The following GPR4 variants were observed in gnomAD, a reference collection of about 807,000 sequenced individuals.
GPR4 encodes G protein-coupled receptor 4.
A neutral mutation model predicts 17.8 loss-of-function variants in GPR4; 11 were observed. The observed-to-expected ratio is 0.62, with a 90% CI of 0.39 to 1.02. The LOEUF is 1.02. Among genes scored for constraint, GPR4 ranks in the 50% least tolerant of loss-of-function variants. The probability of loss-of-function intolerance (pLI) is 0.00; values close to 1 mark genes in which losing one functional copy is unlikely to be tolerated. For synonymous variants in GPR4, 219 were observed against 222.8 expected (o/e 0.98, Z 0.15); for missense variants, 364 against 495.4 (o/e 0.73, Z 2.52).
In GPR4 at chr19:45,590,785, G is replaced by A. The variant is rs754393335; in HGVS notation, c.1082C>T (p.Ala361Val). ...DQVQLKMLPP[A>V]Q ...TTCTGTGCCACTCGGGGTTCATTGT[G>A]CTGGCGGCAGCATCTTCAGCTGCAC... The change falls in exon 2 of 2, where the codon GCA becomes GTA. Residue 361 changes from alanine to valine, a missense_variant. Coordinates refer to ENST00000323040, the MANE Select transcript of GPR4 (RefSeq NM_005282.3). The A allele has an allele frequency of 1.1e-5, 18 of 1,567,298 alleles. No homozygotes were observed. The highest frequency in any genetic ancestry group is 1.7e-4 in the Middle Eastern group (1 of 5,828).
intron 1 of GPR4, among the ~76,000 whole-genome samples, chr19:45,599,052 C>T (rs1336270352): frequency 6.6e-6 from 1 of 152,150 alleles, no homozygotes; most frequent in African/African-American, 2.4e-5. Context: ...AGGGGGTAAA[C>T]CCCCAAATCT....
intron 1 of GPR4, among the ~76,000 whole-genome samples, chr19:45,597,854 C>A (rs1032489517): frequency 9.9e-5 from 15 of 152,116 alleles, no homozygotes; most frequent in Admixed American, 7.2e-4. Context: ...TTTGAAAGGT[C>A]AGGGCTGAGT....
intron 1 of GPR4, among the ~76,000 whole-genome samples, chr19:45,600,896 T>A (rs1970104616): frequency 6.6e-6 from 1 of 152,328 alleles, no homozygotes; most frequent in East Asian, 1.9e-4. Context: ...TTCTTCCATC[T>A]GGGCCCTTCC....
rs781235524 is a variant in GPR4, at chr19:45,591,164, C to T, written c.703G>A (p.Val235Ile). Residue 235 changes from valine to isoleucine, a missense_variant, in exon 2 of 2, where the codon GTC becomes ATC. Val to Ile is a conservative substitution (Grantham distance 29). Transcript: ENST00000323040. The surrounding 1 kb of genome is among the most constrained non-coding windows in gnomAD (Gnocchi z 7.6). ...LALSLIAIVL[V>I]CFAPYHVLLL... ...AGCACGTGATAGGGCGCAAAGCAGA[C>T]CAGCACGATGGCGATGAGGCTGAGG... 1 of 1,613,648 alleles carries T rather than the reference C, an allele frequency of 6.2e-7. No individual in the cohort carries two copies. The highest frequency in any genetic ancestry group is 8.5e-7 in the Non-Finnish European group (1 of 1,180,008).
intron 1 of GPR4, among the ~76,000 whole-genome samples, chr19:45,599,442 C>A (rs1970091426): frequency 6.6e-6 from 1 of 151,716 alleles, no homozygotes; most frequent in Admixed American, 6.6e-5. Flanking sequence ...CCCTCCCCGC[C>A]TTCTCCCTGC....
At position 45,591,096 on chromosome 19, in the gene GPR4, G is replaced by T. The variant is rs905938359; in HGVS notation, c.771C>A (p.Asp257Glu). The change falls in exon 2 of 2, where the codon GAC (aspartate) becomes GAA (glutamate). Residue 257 changes from aspartate to glutamate, a missense_variant. Physicochemically the swap from Asp to Glu is conservative, Grantham distance 45. This residue lies in a region of GPR4 where 271 missense variants were observed against 373.1 expected (regional missense o/e 0.73). Transcript: ENST00000323040. The surrounding 1 kb of genome is among the most constrained non-coding windows in gnomAD (Gnocchi z 7.6). ...AAAAGACGCGCTCCTCGAAGCCGCA[G>T]TCCCAGGGGCGGCCCAGGTAGATGG... ...RSAIYLGRPW[D>E]CGFEERVFSA... is the part of the protein sequence containing the mutation. 1 of 1,613,908 alleles carries T rather than the reference G, an allele frequency of 6.2e-7. No homozygotes were observed. The highest frequency in any genetic ancestry group is 8.5e-7 in the Non-Finnish European group (1 of 1,180,020).
In GPR4 at chr19:45,591,081, C is replaced by A. The variant is rs1439750022; in HGVS notation, c.786G>T (p.Glu262Asp). Residue 262 changes from glutamate (E) to aspartate (D), a missense_variant, in exon 2 of 2, where the codon GAG becomes GAT. Glu to Asp is a conservative substitution (Grantham distance 45). This residue lies in a region of GPR4 where 271 missense variants were observed against 373.1 expected (regional missense o/e 0.73). Transcript: ENST00000323040. This position sits in a 1 kb window ranked among gnomAD's most constrained non-coding sequence, Gnocchi z 7.6. ...AGCTGTGGTATGCAGAAAAGACGCG[C>A]TCCTCGAAGCCGCAGTCCCAGGGGC... ...LGRPWDCGFE[E>D]RVFSAYHSSL... is the part of the protein sequence containing the mutation. The A allele has an allele frequency of 6.2e-7, 1 of 1,613,912 alleles. No individual in the cohort carries two copies. Among genetic ancestry groups the A allele is most frequent in the Non-Finnish European group, 8.5e-7 (1 of 1,180,026 alleles).
intron 1 of GPR4, chr19:45,599,802 C>T (rs1433125753): frequency 6.6e-6 from 1 of 152,168 alleles, no homozygotes; most frequent in Admixed American, 6.5e-5. Flanking sequence ...TACATCGTGG[C>T]TTTGTAAGTA....
Position 45,598,315 on chromosome 19 carries a change from C to A in GPR4, c.-832+3780G>T, listed in dbSNP as rs146516478. ...TAGGGGGCTGAGACAAGAAATAAAC[C>A]GGTTCTTCATGGCAGGAGACACCCA... On this transcript the variant is annotated intron_variant, in intron 1 of 1. Transcript: ENST00000323040. 4.7e-3 allele frequency among the ~76,000 whole-genome samples: 711 copies of A among 152,178 alleles called. 3 individuals carry two copies. Among genetic ancestry groups the A allele is most frequent in the Non-Finnish European group, 6.6e-3 (452 of 68,008 alleles).
At chr19:45,596,369 C>G (rs769513140) in intron 1 of GPR4, among the ~76,000 whole-genome samples, 29 of 151,980 alleles carry the variant, frequency 1.9e-4, no homozygotes, top group Non-Finnish European at 3.7e-4. Context: ...CCACGCTCAG[C>G]TAATTTTGTA....
At chr19:45,594,063 AATAT>A (rs1186316579) in intron 1 of GPR4, among the ~76,000 whole-genome samples, 1,320 of 36,162 alleles carry the variant, frequency 0.037, 101 homozygotes, top group African/African-American at 0.13. Context: ...AAAAAAAAAA[AATAT>A]ATATATATAT....
intron 1 of GPR4, among the ~76,000 whole-genome samples, chr19:45,597,450 A>G (rs1970068980): frequency 6.6e-6 from 1 of 151,966 alleles, no homozygotes; most frequent in Non-Finnish European, 1.5e-5. Context: ...CCCCTGCCCC[A>G]GGACCCTCTC....
chr19:45,590,620 G>A lies in GPR4; in HGVS notation c.*158C>T. Reference sequence around the variant, plus strand: ...CTGTGATGGGATCTGGGAGCACAAAGGTTGACCAGTGACACACCAACCTCA... The same window carrying A: ...CTGTGATGGGATCTGGGAGCACAAAAGTTGACCAGTGACACACCAACCTCA... On this transcript the variant is annotated 3_prime_UTR_variant, in exon 2 of 2. Coordinates refer to ENST00000323040, the MANE Select transcript of GPR4 (RefSeq NM_005282.3). 2 of 895,902 alleles carry A rather than the reference G, an allele frequency of 2.2e-6. No homozygotes were observed. Among genetic ancestry groups the A allele is most frequent in the Non-Finnish European group, 3.3e-6 (2 of 610,890 alleles). The allele number at this position is 895,902 out of a possible 1,614,324, so 55.5% of individuals were successfully genotyped here.
chr19:45,594,161 T>C (rs1322073977), intron 1 of GPR4, among the ~76,000 whole-genome samples: 3 of 145,154 alleles, frequency 2.1e-5, no homozygotes, highest in African/African-American at 7.7e-5. Flanking sequence ...AAGAGATCCT[T>C]CCCTGTAATC....
intron 1 of GPR4, among the ~76,000 whole-genome samples, chr19:45,601,294 A>AG (rs1420220460): frequency 6.6e-6 from 1 of 152,170 alleles, no homozygotes; most frequent in African/African-American, 2.4e-5. Context: ...GTCCAGTTCC[A>AG]GGGGGGAGAG....
At position 45,593,517 on chromosome 19, in the gene GPR4, GAAAAAAAAGAAAAA is replaced by G. The variant is rs1347732357; in HGVS notation, c.-831-834_-831-821del. ...CTGTCTCAAAAAAAAAAGAAGAAAA[GAAAAAAAAGAAAAA>G]AAAAAGGAAAGAAAGAAAGAGAAAA... is the stretch of plus-strand genomic sequence containing the variant. On this transcript the variant is annotated intron_variant, in intron 1 of 1. Transcript: ENST00000323040. 7.5e-5 allele frequency among the ~76,000 whole-genome samples: 7 copies of G among 93,488 alleles called. No individual in the cohort carries two copies. The East Asian group carries it at 2.0e-3, about 27-fold the overall frequency. 61.3% of individuals were successfully genotyped at this position (93,488 alleles called of 152,430 possible). A position where few individuals can be genotyped will look rare whatever the true frequency, so the allele number is the denominator to read the frequency against.
chr19:45,590,940 G>A lies in GPR4; in HGVS notation c.927C>T (p.Ala309=), dbSNP rs1244351072. ...KALHNLLRFL[A]SDKPQEMANA... is the part of the protein sequence containing the mutation. ...TGGCCATCTCCTGGGGCTTGTCGCT[G>A]GCCAGAAAGCGGAGCAGGTTGTGCA... is the stretch of plus-strand genomic sequence containing the variant. Residue 309 remains alanine (A), a synonymous_variant, in exon 2 of 2, where the codon GCC becomes GCT. Coordinates refer to ENST00000323040, the MANE Select transcript of GPR4 (RefSeq NM_005282.3). The A allele has an allele frequency of 6.2e-7, 1 of 1,613,938 alleles. No individual in the cohort carries two copies. Among genetic ancestry groups the A allele is most frequent in the Non-Finnish European group, 8.5e-7 (1 of 1,180,038 alleles).
At position 45,591,171 on chromosome 19, in the gene GPR4, G is replaced by C. The variant is rs748198814; in HGVS notation, c.696C>G (p.Ile232Met). Reference protein sequence around the residue: ...IKRLALSLIAIVLVCFAPYHV... With the variant: ...IKRLALSLIAMVLVCFAPYHV... ...GATAGGGCGCAAAGCAGACCAGCAC[G>C]ATGGCGATGAGGCTGAGGGCCAGCC... is the stretch of plus-strand genomic sequence containing the variant. The change falls in exon 2 of 2, where the codon ATC becomes ATG. Residue 232 changes from isoleucine to methionine, a missense_variant. This residue lies in a region of GPR4 where 271 missense variants were observed against 373.1 expected (regional missense o/e 0.73). Transcript: ENST00000323040. The surrounding 1 kb of genome is among the most constrained non-coding windows in gnomAD (Gnocchi z 7.6). 1.9e-6 allele frequency: 3 copies of C among 1,613,644 alleles called. No individual in the cohort carries two copies. The highest frequency in any genetic ancestry group is 2.2e-5 in the East Asian group (1 of 44,866).
At chr19:45,594,090 ATAT>A (rs1970031957) in intron 1 of GPR4, among the ~76,000 whole-genome samples, 3 of 128,276 alleles carry the variant, frequency 2.3e-5, no homozygotes, top group African/African-American at 9.7e-5. Flanking sequence ...ATATATATAT[ATAT>A]AAAATAGATG....
Sources: gnomAD v4.1 joint callset for allele counts (sites outside exome capture counted in the v4.1 genomes callset) on GRCh38, gnomAD v4.1.1 for gene constraint, gnomAD v4.1.1 regional missense constraint, Gnocchi (gnomAD v3.1) non-coding constraint, MANE v1.5 for transcripts, NCBI Gene and HGNC (gene_info 2026-07-23, HGNC 2026-07-21) for gene names.